RUNX1T1: variants seen among roughly 807,000 people sequenced by gnomAD.
RUNX1T1 encodes the protein RUNX1 partner transcriptional co-repressor 1, also known as protein CBFA2T1.
A neutral mutation model predicts 62.8 loss-of-function variants in RUNX1T1; 4 were observed. The observed-to-expected ratio is 0.06, with a 90% CI of 0.03 to 0.15. The LOEUF (loss-of-function observed/expected upper bound fraction) is 0.15, where lower values mean the gene tolerates loss of function less well. RUNX1T1 is among the 10% of genes least tolerant of loss of function. The probability of loss-of-function intolerance (pLI) is 1.00; values close to 1 mark genes in which losing one functional copy is unlikely to be tolerated. For missense variants in RUNX1T1, 508 were observed against 754.3 expected, an observed-to-expected ratio of 0.67 and a Z score of 3.82; for synonymous variants, 291 against 286.0, an observed-to-expected ratio of 1.02 and a Z score of -0.18.
intron 1 of RUNX1T1, among the ~76,000 whole-genome samples, chr8:92,060,721 A>G (rs1831885543): frequency 6.6e-6 from 1 of 151,942 alleles, no homozygotes; most frequent in South Asian, 2.1e-4. Context: ...CATTAAAATG[A>G]ACCTATATAT....
intron 5 of RUNX1T1, among the ~76,000 whole-genome samples, chr8:92,001,532 T>C (rs1819760272): frequency 6.6e-6 from 1 of 152,120 alleles, no homozygotes; most frequent in Non-Finnish European, 1.5e-5. Flanking sequence ...GCATTGAAAG[T>C]TTAGAAGCGT....
At chr8:91,963,101 TAAA>T (rs1200764254) in intron 10 of RUNX1T1, among the ~76,000 whole-genome samples, 5 of 152,154 alleles carry the variant, frequency 3.3e-5, no homozygotes, top group Non-Finnish European at 5.9e-5. Context: ...ATTTTACAAA[TAAA>T]AAAGTGGAAT....
At chr8:92,092,864 TTTTG>T (rs1440994545) in intron 1 of RUNX1T1, among the ~76,000 whole-genome samples, 1 of 152,124 alleles carries the variant, frequency 6.6e-6, no homozygotes, top group Non-Finnish European at 1.5e-5. Flanking sequence ...TTTTTTATTT[TTTTG>T]TTTTTTTGTT....
intron 5 of RUNX1T1, among the ~76,000 whole-genome samples, chr8:91,996,528 T>C (rs1282000396): frequency 6.6e-6 from 1 of 152,166 alleles, no homozygotes; most frequent in African/African-American, 2.4e-5. Flanking sequence ...TACCTGAGGA[T>C]GTTATATCTC....
intron 1 of RUNX1T1, among the ~76,000 whole-genome samples, chr8:92,031,413 G>A (rs1826204987): frequency 6.6e-6 from 1 of 152,014 alleles, no homozygotes; most frequent in Admixed American, 6.6e-5. Context: ...AAATAACCAG[G>A]AAACACTTTG....
chr8:91,989,770 A>G (rs1045904171), intron 6 of RUNX1T1, among the ~76,000 whole-genome samples: 3 of 152,214 alleles, frequency 2.0e-5, no homozygotes, highest in African/African-American at 7.2e-5. Context: ...GGCTTTGTGT[A>G]GAAGGGAGTT....
chr8:91,995,765 C>A (rs994535505), intron 5 of RUNX1T1, among the ~76,000 whole-genome samples: 3 of 152,002 alleles, frequency 2.0e-5, no homozygotes, highest in Admixed American at 2.0e-4. Context: ...CCAGCCTGAG[C>A]AACAGAGTGA....
chr8:91,984,872 T>G (rs946649542), intron 8 of RUNX1T1, among the ~76,000 whole-genome samples: 1 of 152,238 alleles, frequency 6.6e-6, no homozygotes, highest in African/African-American at 2.4e-5. Flanking sequence ...CAATTTTGTT[T>G]TTAAAATATG....
intron 5 of RUNX1T1, among the ~76,000 whole-genome samples, chr8:91,993,786 A>C (rs769114163): frequency 2.0e-5 from 3 of 152,040 alleles, no homozygotes; most frequent in Non-Finnish European, 4.4e-5. Flanking sequence ...GAGGTCAGGA[A>C]TTCGAGACTA....
intron 1 of RUNX1T1, among the ~76,000 whole-genome samples, chr8:92,078,604 T>C (rs1447347815): frequency 1.3e-5 from 2 of 152,154 alleles, no homozygotes; most frequent in Non-Finnish European, 2.9e-5. Context: ...GTGGAAAACA[T>C]ACATTCCCAA....
At chr8:92,048,390 T>C (rs1159378934) in intron 1 of RUNX1T1, among the ~76,000 whole-genome samples, 3 of 152,112 alleles carry the variant, frequency 2.0e-5, no homozygotes, top group Non-Finnish European at 4.4e-5. Context: ...CTAAAAATAT[T>C]ACAACTGGCG....
At chr8:91,990,857 C>CAT in intron 6 of RUNX1T1, among the ~76,000 whole-genome samples, 1 of 152,178 alleles carries the variant, frequency 6.6e-6, no homozygotes. Flanking sequence ...GGGATTTTGC[C>CAT]ATAATGCCCA....
chr8:92,033,201 T>C (rs1826587083), intron 1 of RUNX1T1, among the ~76,000 whole-genome samples: 1 of 152,176 alleles, frequency 6.6e-6, no homozygotes, highest in South Asian at 2.1e-4. Flanking sequence ...AGCCTAACTA[T>C]TCAACAATAG....
intron 1 of RUNX1T1, among the ~76,000 whole-genome samples, chr8:92,058,821 A>G (rs1025265633): frequency 6.6e-6 from 1 of 152,252 alleles, no homozygotes; most frequent in African/African-American, 2.4e-5. Context: ...TCTAGGCTAT[A>G]TAATGTCTAC....
intron 1 of RUNX1T1, among the ~76,000 whole-genome samples, chr8:92,079,191 C>A (rs1288216666): frequency 6.6e-6 from 1 of 152,182 alleles, no homozygotes; most frequent in East Asian, 1.9e-4. Context: ...TATCTATCAA[C>A]CTGGGTTGAA....
intron 8 of RUNX1T1, among the ~76,000 whole-genome samples, chr8:91,982,398 A>C (rs1815526419): frequency 6.6e-6 from 1 of 152,206 alleles, no homozygotes; most frequent in Admixed American, 6.5e-5. Context: ...AGGAGCCAAG[A>C]AAGTGATGTG....
At chr8:92,069,147 C>G (rs906070811) in intron 2 of RUNX1T1, among the ~76,000 whole-genome samples, 12 of 149,868 alleles carry the variant, frequency 8.0e-5, no homozygotes, top group African/African-American at 2.7e-4. Flanking sequence ...TTTTATTTTT[C>G]TGTATTTCCC....
downstream of RUNX1T1, chr8:91,956,328 A>ATCAT (rs138808632): frequency 4.9e-3 from 1,128 of 230,898 alleles, 14 homozygotes; most frequent in African/African-American, 0.023. Context: ...AAGTTCTGAC[A>ATCAT]TCATTCCCTA....
At chr8:92,021,371 T>TATC (rs1402959064) in intron 1 of RUNX1T1, among the ~76,000 whole-genome samples, 2 of 152,306 alleles carry the variant, frequency 1.3e-5, no homozygotes, top group East Asian at 3.9e-4. Flanking sequence ...TACAGGAGAC[T>TATC]ATCCATGGAC....
Sources: allele counts gnomAD v4.1 joint callset (sites outside exome capture counted in the v4.1 genomes callset), GRCh38; gene constraint gnomAD v4.1.1; transcripts MANE v1.5; gene names NCBI Gene and HGNC (gene_info 2026-07-23, HGNC 2026-07-21).